Variants in RPH3A observed in about 807,000 individuals in gnomAD.
RPH3A encodes rabphilin-3A.
RPH3A carries 48 observed loss-of-function variants against 102.2 expected under a neutral mutation model. The ratio of observed to expected loss-of-function variants is 0.47; its 90% CI spans 0.37 to 0.60. RPH3A has a LOEUF of 0.60. Ranked by LOEUF, RPH3A falls within the 20% of genes least tolerant of loss-of-function variation. RPH3A has a pLI of 0.00. For synonymous variants in RPH3A, 310 were observed against 324.3 expected (o/e 0.96, Z 0.47); for missense variants, 781 against 910.1 (o/e 0.86, Z 1.83).
At position 112,851,927 on chromosome 12, in the gene RPH3A, C is replaced by T. The variant is rs1228838346; in HGVS notation, c.230+4085C>T. Among the ~76,000 whole-genome samples the T allele has an allele frequency of 8.5e-5, 13 of 152,214 alleles. 1 individual carries two copies. Among genetic ancestry groups the T allele is most frequent in the Admixed American group, 5.2e-4 (8 of 15,288 alleles). ...GAAACTAATTCCAGCTAGGTTGTTT[C>T]GGTCATCTATTGCAATATAACAAAC... On this transcript the variant is annotated intron_variant, in intron 5 of 21. Coordinates refer to ENST00000389385, the MANE Select transcript of RPH3A (RefSeq NM_001143854.2).
intron 2 of RPH3A, among the ~76,000 whole-genome samples, chr12:112,797,026 G>C (rs958514980): frequency 6.6e-6 from 1 of 152,142 alleles, no homozygotes; most frequent in African/African-American, 2.4e-5. Flanking sequence ...CTCCAGCCTA[G>C]GGTAAGACTC....
Position 112,784,800 on chromosome 12 carries a change from A to G in RPH3A, c.-139-7343A>G, listed in dbSNP as rs973711424. Among the ~76,000 whole-genome samples the G allele has an allele frequency of 2.6e-5, 4 of 152,344 alleles. No homozygotes were observed. The South Asian group carries it at 6.2e-4, about 24-fold the overall frequency. Reference sequence around the variant, plus strand: ...AATAAGTGTCAGCTGTTTATTTGTTACAGGCTAGAAACAGATTCAGATTCT... The same window carrying G: ...AATAAGTGTCAGCTGTTTATTTGTTGCAGGCTAGAAACAGATTCAGATTCT... On this transcript the variant is annotated intron_variant, in intron 1 of 21. Transcript: ENST00000543106.
chr12:112,720,152 C>T (rs1425707311), intron 1 of RPH3A, among the ~76,000 whole-genome samples: 1 of 152,220 alleles, frequency 6.6e-6, no homozygotes, highest in Admixed American at 6.5e-5. Flanking sequence ...CCATGATTGG[C>T]AGTGAGACCC....
At chr12:112,576,829 C>T (rs1304073230) in intron 1 of RPH3A, among the ~76,000 whole-genome samples, 2 of 151,260 alleles carry the variant, frequency 1.3e-5, no homozygotes, top group African/African-American at 2.4e-5. Context: ...TGAGCTATTC[C>T]CTCTTATAAA....
chr12:112,642,334 G>A (rs957162659), intron 1 of RPH3A, among the ~76,000 whole-genome samples: 2 of 152,104 alleles, frequency 1.3e-5, no homozygotes, highest in Non-Finnish European at 2.9e-5. Context: ...TTTAAATTGT[G>A]CAAAGTCATA....
chr12:112,864,078 G>A (rs1425312775), intron 5 of RPH3A, among the ~76,000 whole-genome samples: 1 of 152,210 alleles, frequency 6.6e-6, no homozygotes, highest in Non-Finnish European at 1.5e-5. Context: ...AAGGTGCTAT[G>A]AGGAAGTACC....
intron 1 of RPH3A, among the ~76,000 whole-genome samples, chr12:112,699,200 C>A (rs1343863588): frequency 3.3e-5 from 5 of 152,182 alleles, no homozygotes; most frequent in African/African-American, 9.7e-5. Context: ...GGCTTACAGG[C>A]AAGAGCCACT....
intron 1 of RPH3A, among the ~76,000 whole-genome samples, chr12:112,708,842 T>C (rs1565855077): frequency 6.6e-6 from 1 of 152,194 alleles, no homozygotes; most frequent in African/African-American, 2.4e-5. Context: ...TTTCTTTTCC[T>C]TTGTCCTTTG....
At chr12:112,736,816 A>G (rs1592971760) in intron 1 of RPH3A, among the ~76,000 whole-genome samples, 1 of 152,188 alleles carries the variant, frequency 6.6e-6, no homozygotes, top group East Asian at 1.9e-4. Flanking sequence ...ATAGTGGGGG[A>G]ATCTCTCTTG....
chr12:112,782,936 C>T (rs368372796), intron 1 of RPH3A, among the ~76,000 whole-genome samples: 1 of 152,220 alleles, frequency 6.6e-6, no homozygotes. Context: ...TCATGGGTCA[C>T]ACAGTAGGTA....
intron 1 of RPH3A, among the ~76,000 whole-genome samples, chr12:112,586,143 G>A (rs1485234345): frequency 2.0e-5 from 3 of 152,198 alleles, no homozygotes; most frequent in Non-Finnish European, 2.9e-5. Context: ...CAGGTGAGGA[G>A]CTCAGAGTTC....
intron 2 of RPH3A, among the ~76,000 whole-genome samples, chr12:112,793,871 T>A (rs1203276152): frequency 6.6e-6 from 1 of 152,064 alleles, no homozygotes; most frequent in Non-Finnish European, 1.5e-5. Context: ...TTTGGGGGGA[T>A]CTTAGGGGGC....
At chr12:112,670,127 A>G (rs1260218152) in intron 1 of RPH3A, among the ~76,000 whole-genome samples, 1 of 152,220 alleles carries the variant, frequency 6.6e-6, no homozygotes, top group African/African-American at 2.4e-5. Flanking sequence ...CCTTCTTAAG[A>G]GGCGATATCC....
chr12:112,851,630 G>A (rs1252011246), intron 5 of RPH3A, among the ~76,000 whole-genome samples: 1 of 152,116 alleles, frequency 6.6e-6, no homozygotes, highest in African/African-American at 2.4e-5. Flanking sequence ...CAGGCCATGC[G>A]CAGCAACCCA....
At chr12:112,641,640 C>G (rs763046383) in intron 1 of RPH3A, among the ~76,000 whole-genome samples, 1 of 152,142 alleles carries the variant, frequency 6.6e-6, no homozygotes, top group African/African-American at 2.4e-5. Context: ...CCAAGTGATC[C>G]GTCCACCTCG....
At chr12:112,796,376 A>G (rs889406957) in intron 2 of RPH3A, among the ~76,000 whole-genome samples, 1 of 152,196 alleles carries the variant, frequency 6.6e-6, no homozygotes, top group African/African-American at 2.4e-5. Flanking sequence ...CTCAGGTGCT[A>G]CAGGGTGAGA....
intron 1 of RPH3A, among the ~76,000 whole-genome samples, chr12:112,784,630 G>GT (rs1387655521): frequency 1.3e-5 from 2 of 152,128 alleles, no homozygotes; most frequent in Non-Finnish European, 2.9e-5. Flanking sequence ...GTTCTGGGCC[G>GT]TGAGAACTCA....
chr12:112,620,237 T>C (rs950506092), intron 1 of RPH3A, among the ~76,000 whole-genome samples: 1 of 152,210 alleles, frequency 6.6e-6, no homozygotes, highest in Non-Finnish European at 1.5e-5. Context: ...GCCAACATGT[T>C]TTCATGGTGC....
Position 112,617,125 on chromosome 12 carries a change from TG to T in RPH3A, c.-140+41807del, listed in dbSNP as rs559057574. ...CCTAAGCTCTTTCTCTCTCCCTGTT[TG>T]AAGCACATCTCTGCTCCCGGTTTGT... On this transcript the variant is annotated intron_variant, in intron 1 of 21. Coordinates refer to the RPH3A transcript ENST00000543106. Among the ~76,000 whole-genome samples, 286 of 152,308 alleles carry T rather than the reference TG, an allele frequency of 1.9e-3. 1 individual carries two copies. The highest frequency in any genetic ancestry group is 3.4e-3 in the Non-Finnish European group (231 of 68,026).
Sources: allele counts gnomAD v4.1 joint callset (sites outside exome capture counted in the v4.1 genomes callset), GRCh38; gene constraint gnomAD v4.1.1; transcripts MANE v1.5; gene names NCBI Gene and HGNC (gene_info 2026-07-23, HGNC 2026-07-21).